GULP1: variants seen among roughly 807,000 people sequenced by gnomAD.
The protein encoded by GULP1 is GULP PTB domain containing engulfment adaptor 1, also known as PTB domain-containing engulfment adapter protein 1.
A neutral mutation model predicts 40.9 loss-of-function variants in GULP1; 19 were observed. That is an observed-to-expected ratio of 0.46 (90% confidence interval 0.32 to 0.68). GULP1 has a LOEUF of 0.68. GULP1 is among the 30% of genes least tolerant of loss of function. The pLI is 0.03. For missense variants in GULP1, 312 were observed against 362.2 expected (o/e 0.86, Z 1.12); for synonymous variants, 119 against 117.6 (o/e 1.01, Z -0.08).
chr2:188,463,476 A>G (rs1413928725), intron 2 of GULP1, among the ~76,000 whole-genome samples: 1 of 152,090 alleles, frequency 6.6e-6, no homozygotes, highest in African/African-American at 2.4e-5. Flanking sequence ...GTTTGATTAA[A>G]TGCCTTAGGA....
chr2:188,576,108 G>C (rs1451998203), intron 9 of GULP1, among the ~76,000 whole-genome samples: 1 of 152,108 alleles, frequency 6.6e-6, no homozygotes, highest in Non-Finnish European at 1.5e-5. Context: ...TAGGAGTAGT[G>C]AGTGGTAAAG....
At chr2:188,320,238 T>C (rs1185713354) in intron 1 of GULP1, among the ~76,000 whole-genome samples, 1 of 152,138 alleles carries the variant, frequency 6.6e-6, no homozygotes, top group African/African-American at 2.4e-5. Context: ...TAAACTCATA[T>C]AGTATTTTTT....
In GULP1 at chr2:188,296,043, A is replaced by T. The variant is rs190972091; in HGVS notation, c.-172+3877A>T. Among the ~76,000 whole-genome samples, 6 of 152,286 alleles carry T rather than the reference A, an allele frequency of 3.9e-5. No individual in the cohort carries two copies. In the South Asian group the frequency reaches 6.2e-4, roughly 16 times the overall value. On this transcript the variant is annotated intron_variant, in intron 1 of 11. Coordinates refer to ENST00000409830, the MANE Select transcript of GULP1 (RefSeq NM_016315.4). ...AAAAAAGTTATTTTATTTCAGTATA[A>T]TAATGAATTCAAAGATAGTTACAGA...
At chr2:188,524,602 A>AT (rs1467730847) in intron 5 of GULP1, among the ~76,000 whole-genome samples, 48 of 138,648 alleles carry the variant, frequency 3.5e-4, no homozygotes, top group African/African-American at 1.2e-3. Context: ...TTATATATAT[A>AT]TATTTTTTTT....
chr2:188,360,876 G>T (rs984317173), intron 1 of GULP1, among the ~76,000 whole-genome samples: 16 of 151,980 alleles, frequency 1.1e-4, no homozygotes, highest in African/African-American at 3.6e-4. Flanking sequence ...TAACAGTCTT[G>T]ATTTTAATAT....
At chr2:188,541,346 T>G (rs1235121252) in intron 7 of GULP1, 28 bp downstream of exon 7, 1 of 1,598,620 alleles carries the variant, frequency 6.3e-7, no homozygotes, top group Admixed American at 1.7e-5. Flanking sequence ...TGTAGGGTGG[T>G]TTGTTCTGTT....
At chr2:188,532,342 AC>A (rs1182010091) in intron 6 of GULP1, among the ~76,000 whole-genome samples, 1 of 152,164 alleles carries the variant, frequency 6.6e-6, no homozygotes, top group Non-Finnish European at 1.5e-5. Flanking sequence ...TTTAGAATTC[AC>A]AGGTTAATAA....
At chr2:188,544,333 G>C (rs1347492541) in intron 7 of GULP1, among the ~76,000 whole-genome samples, 1 of 151,850 alleles carries the variant, frequency 6.6e-6, no homozygotes, top group Non-Finnish European at 1.5e-5. Flanking sequence ...AAAATGAGCA[G>C]TTACAAACAC....
intron 1 of GULP1, among the ~76,000 whole-genome samples, chr2:188,321,757 C>T (rs1274605441): frequency 6.6e-6 from 1 of 151,944 alleles, no homozygotes; most frequent in Non-Finnish European, 1.5e-5. Flanking sequence ...TGGCTCACAC[C>T]TGTAATCCCA....
intron 1 of GULP1, among the ~76,000 whole-genome samples, chr2:188,363,678 G>A (rs1332771668): frequency 1.3e-5 from 2 of 152,120 alleles, no homozygotes; most frequent in Non-Finnish European, 2.9e-5. Flanking sequence ...CAAAATATTA[G>A]GTCGGAGCAA....
chr2:188,473,622 T>C (rs2060773018), intron 2 of GULP1, among the ~76,000 whole-genome samples: 1 of 152,186 alleles, frequency 6.6e-6, no homozygotes, highest in Non-Finnish European at 1.5e-5. Flanking sequence ...GTGGGCTCTT[T>C]AGTCAGCTTG....
At chr2:188,513,520 A>T (rs2064826313) in intron 4 of GULP1, among the ~76,000 whole-genome samples, 1 of 152,176 alleles carries the variant, frequency 6.6e-6, no homozygotes. Flanking sequence ...TTTAATGTAA[A>T]TTGAAAAGAT....
intron 2 of GULP1, among the ~76,000 whole-genome samples, chr2:188,418,076 A>C (rs917708100): frequency 6.6e-6 from 1 of 151,900 alleles, no homozygotes; most frequent in East Asian, 1.9e-4. Flanking sequence ...GCCCTCCTAT[A>C]GTTTTAAGAC....
chr2:188,546,025 A>G (rs1375739551), intron 7 of GULP1, among the ~76,000 whole-genome samples: 2 of 151,972 alleles, frequency 1.3e-5, no homozygotes, highest in African/African-American at 4.8e-5. Context: ...CCAGTTCCCA[A>G]GAAGATATGG....
At chr2:188,382,395 AG>A (rs1298942904) in intron 1 of GULP1, among the ~76,000 whole-genome samples, 1 of 152,200 alleles carries the variant, frequency 6.6e-6, no homozygotes, top group Non-Finnish European at 1.5e-5. Context: ...GTAGTGTTAC[AG>A]GCCTGATAAT....
intron 1 of GULP1, among the ~76,000 whole-genome samples, chr2:188,298,106 T>C (rs1472191592): frequency 1.3e-5 from 2 of 152,132 alleles, no homozygotes; most frequent in Non-Finnish European, 2.9e-5. Flanking sequence ...CATGTTATGC[T>C]CTGTAATTTA....
intron 7 of GULP1, among the ~76,000 whole-genome samples, chr2:188,550,530 TCA>T (rs1357188637): frequency 6.6e-6 from 1 of 151,704 alleles, no homozygotes; most frequent in Non-Finnish European, 1.5e-5. Context: ...AATGAAATTA[TCA>T]CACACACATT....
At chr2:188,593,881 C>A (rs1309567505) in intron 11 of GULP1, 59 bp from the exon 12 acceptor site, 3 of 918,746 alleles carry the variant, frequency 3.3e-6, no homozygotes, top group Non-Finnish European at 5.3e-6. Flanking sequence ...CTTTTTTATT[C>A]ACTGATTTTA....
chr2:188,318,869 T>A (rs117214481), intron 1 of GULP1, among the ~76,000 whole-genome samples: 2 of 152,322 alleles, frequency 1.3e-5, no homozygotes, highest in East Asian at 3.9e-4. Context: ...CTGCTTCTGC[T>A]GTACACTACC....
Sources: allele counts gnomAD v4.1 joint callset (sites outside exome capture counted in the v4.1 genomes callset), GRCh38; gene constraint gnomAD v4.1.1; transcripts MANE v1.5; gene names NCBI Gene and HGNC (gene_info 2026-07-23, HGNC 2026-07-21).